The following AMPH variants were observed in gnomAD, a reference collection of about 807,000 sequenced individuals.
AMPH encodes the protein amphiphysin.
Under a neutral mutation model 99.1 loss-of-function variants are expected in AMPH, and 49 were observed. That is an observed-to-expected ratio of 0.49 (90% CI 0.39 to 0.63). The LOEUF (loss-of-function observed/expected upper bound fraction) is 0.63, where lower values mean the gene tolerates loss of function less well. Among genes scored for constraint, AMPH ranks in the 20% least tolerant of loss-of-function variants. AMPH has a pLI of 0.00. For synonymous variants in AMPH, 314 were observed against 317.3 expected (o/e 0.99, Z 0.11); for missense variants, 759 against 863.4 (o/e 0.88, Z 1.52).
intron 2 of AMPH, among the ~76,000 whole-genome samples, chr7:38,517,586 AG>A (rs1157942038): frequency 1.3e-5 from 2 of 152,176 alleles, no homozygotes; most frequent in Non-Finnish European, 2.9e-5. Flanking sequence ...GCAGTGTGAG[AG>A]TGGACTAATA....
At chr7:38,576,251 G>T (rs1792236525) in intron 1 of AMPH, among the ~76,000 whole-genome samples, 1 of 152,090 alleles carries the variant, frequency 6.6e-6, no homozygotes, top group Non-Finnish European at 1.5e-5. Flanking sequence ...ACAAATAAAT[G>T]AACAAACAAA....
intron 1 of AMPH, among the ~76,000 whole-genome samples, chr7:38,575,858 G>A (rs1009069234): frequency 6.6e-6 from 1 of 152,114 alleles, no homozygotes; most frequent in African/African-American, 2.4e-5. Flanking sequence ...TATTCCTAAG[G>A]GGAATTCACC....
intron 2 of AMPH, among the ~76,000 whole-genome samples, chr7:38,514,295 C>A (rs1051063048): frequency 6.6e-6 from 1 of 152,168 alleles, no homozygotes; most frequent in Non-Finnish European, 1.5e-5. Flanking sequence ...TAGTTACCTG[C>A]TATTGTTTTA....
At chr7:38,625,873 AT>A (rs1421922020) in intron 1 of AMPH, among the ~76,000 whole-genome samples, 10 of 152,238 alleles carry the variant, frequency 6.6e-5, no homozygotes, top group South Asian at 2.1e-4. Context: ...ATAGAAACTC[AT>A]GAAGCTGAAC....
At chr7:38,602,339 G>A (rs530887908) in intron 1 of AMPH, among the ~76,000 whole-genome samples, 3 of 152,300 alleles carry the variant, frequency 2.0e-5, no homozygotes, top group Non-Finnish European at 4.4e-5. Flanking sequence ...TTTGTGGCTG[G>A]AAACAACACA....
chr7:38,533,629 A>C (rs1244487315), intron 2 of AMPH, among the ~76,000 whole-genome samples: 1 of 152,224 alleles, frequency 6.6e-6, no homozygotes, highest in Non-Finnish European at 1.5e-5. Context: ...CAAAGGGAGC[A>C]AAATAAAACC....
intron 17 of AMPH, among the ~76,000 whole-genome samples, chr7:38,404,560 C>T (rs755592525): frequency 3.3e-5 from 5 of 152,090 alleles, no homozygotes; most frequent in Non-Finnish European, 5.9e-5. Context: ...CTGAAAGCAC[C>T]TAGAAACAAA....
chr7:38,441,819 C>CATATATCATATATCATATATATCAT (rs1786546939), intron 11 of AMPH, among the ~76,000 whole-genome samples: 4 of 70,672 alleles, frequency 5.7e-5, no homozygotes, highest in African/African-American at 2.1e-4. Flanking sequence ...TCATATATAT[C>CATATATCATATATCATATATATCAT]ATATATCATA....
intron 3 of AMPH, among the ~76,000 whole-genome samples, chr7:38,497,562 C>T (rs543837615): frequency 1.3e-5 from 2 of 152,312 alleles, no homozygotes; most frequent in South Asian, 2.1e-4. Context: ...TTTATAAGTA[C>T]TCCTTGCTTA....
At chr7:38,610,191 GCACCAT>G (rs1793576864) in intron 1 of AMPH, among the ~76,000 whole-genome samples, 1 of 134,726 alleles carries the variant, frequency 7.4e-6, no homozygotes, top group Non-Finnish European at 1.5e-5. Flanking sequence ...AGCCAAAATC[GCACCAT>G]TGCACTCCAG....
intron 5 of AMPH, among the ~76,000 whole-genome samples, chr7:38,490,361 C>T (rs1788673353): frequency 6.6e-6 from 1 of 152,118 alleles, no homozygotes; most frequent in Non-Finnish European, 1.5e-5. Context: ...CATTTAGTTT[C>T]ATTTACCATA....
intron 1 of AMPH, among the ~76,000 whole-genome samples, chr7:38,543,365 G>A (rs1790881316): frequency 6.6e-6 from 1 of 152,164 alleles, no homozygotes; most frequent in South Asian, 2.1e-4. Context: ...TTTCAAATGG[G>A]AGCTGTAAGT....
intron 1 of AMPH, among the ~76,000 whole-genome samples, chr7:38,611,569 T>A (rs529047565): frequency 6.6e-6 from 1 of 152,226 alleles, no homozygotes; most frequent in Non-Finnish European, 1.5e-5. Context: ...CACCTCTACA[T>A]ACAGCCTTAA....
intron 11 of AMPH, among the ~76,000 whole-genome samples, chr7:38,459,135 CA>C (rs1242705742): frequency 6.6e-6 from 1 of 151,818 alleles, no homozygotes; most frequent in Non-Finnish European, 1.5e-5. Flanking sequence ...ACAACAGCTA[CA>C]ACAAAATAAA....
intron 15 of AMPH, among the ~76,000 whole-genome samples, chr7:38,425,912 T>G (rs1396844131): frequency 6.6e-6 from 1 of 152,156 alleles, no homozygotes; most frequent in Non-Finnish European, 1.5e-5. Flanking sequence ...ATAACTCTGA[T>G]GGAAATACAA....
At chr7:38,542,489 C>T (rs543417501) in intron 1 of AMPH, among the ~76,000 whole-genome samples, 1 of 152,180 alleles carries the variant, frequency 6.6e-6, no homozygotes, top group Non-Finnish European at 1.5e-5. Flanking sequence ...AGCAAGCTTA[C>T]ATCTGCCACA....
intron 2 of AMPH, among the ~76,000 whole-genome samples, chr7:38,504,924 C>T (rs1216324484): frequency 6.6e-6 from 1 of 152,206 alleles, no homozygotes; most frequent in Admixed American, 6.5e-5. Flanking sequence ...AGCTAGCATA[C>T]AGGACTCCAC....
intron 11 of AMPH, among the ~76,000 whole-genome samples, chr7:38,438,309 A>C (rs1236281741): frequency 6.6e-6 from 1 of 152,200 alleles, no homozygotes; most frequent in Non-Finnish European, 1.5e-5. Flanking sequence ...CCTTACAAAA[A>C]ATTGAGGGAG....
intron 3 of AMPH, among the ~76,000 whole-genome samples, chr7:38,495,729 T>A (rs1162760070): frequency 8.5e-5 from 13 of 152,052 alleles, no homozygotes; most frequent in Admixed American, 8.5e-4. Flanking sequence ...AATTTTAGGG[T>A]TCCTAAGCCT....
Sources: gnomAD v4.1 joint callset for allele counts (sites outside exome capture counted in the v4.1 genomes callset) on GRCh38, gnomAD v4.1.1 for gene constraint, MANE v1.5 for transcripts, NCBI Gene and HGNC (gene_info 2026-07-23, HGNC 2026-07-21) for gene names.